Variants in SOX5 observed in about 807,000 individuals in gnomAD.
SOX5 encodes the protein SRY-box transcription factor 5, also known as transcription factor SOX-5.
Under a neutral mutation model 92.0 loss-of-function variants are expected in SOX5, and 9 were observed. That is an observed-to-expected ratio of 0.10 (90% CI 0.06 to 0.17). The LOEUF (loss-of-function observed/expected upper bound fraction) is 0.17, where lower values mean the gene tolerates loss of function less well. Ranked by LOEUF, SOX5 falls within the 10% of genes least tolerant of loss-of-function variation. The pLI is 1.00. For missense variants in SOX5, 642 were observed against 944.5 expected, an observed-to-expected ratio of 0.68 and a Z score of 4.20; for synonymous variants, 344 against 336.3, an observed-to-expected ratio of 1.02 and a Z score of -0.25.
intron 4 of SOX5, among the ~76,000 whole-genome samples, chr12:24,006,946 C>A (rs974482452): frequency 1.3e-5 from 2 of 149,900 alleles, no homozygotes; most frequent in Non-Finnish European, 1.5e-5. Flanking sequence ...CCAGCCTGGC[C>A]AACATGGTGA....
At chr12:24,525,744 C>T (rs1207633548) in intron 1 of SOX5, among the ~76,000 whole-genome samples, 1 of 151,890 alleles carries the variant, frequency 6.6e-6, no homozygotes, top group Non-Finnish European at 1.5e-5. Flanking sequence ...TGGTGGCGGG[C>T]GCCTGTAGTC....
chr12:23,765,559 C>A (rs1197896240), intron 3 of SOX5, among the ~76,000 whole-genome samples: 5 of 151,894 alleles, frequency 3.3e-5, no homozygotes, highest in Admixed American at 6.6e-5. Flanking sequence ...ACTTTTCCTG[C>A]ATCACCAGAG....
At chr12:24,055,386 C>T (rs992831987) in intron 4 of SOX5, among the ~76,000 whole-genome samples, 5 of 152,180 alleles carry the variant, frequency 3.3e-5, no homozygotes, top group Non-Finnish European at 7.3e-5. Flanking sequence ...GGTCAACAGT[C>T]TATAGGACAT....
At chr12:23,764,254 C>A (rs1376621835) in intron 3 of SOX5, among the ~76,000 whole-genome samples, 1 of 152,098 alleles carries the variant, frequency 6.6e-6, no homozygotes, top group Non-Finnish European at 1.5e-5. Flanking sequence ...AAATAACCAA[C>A]TTTCTTACAG....
Position 24,314,751 on chromosome 12 carries a change from C to T in SOX5, c.-173-37439G>A, listed in dbSNP as rs544604095. Among the ~76,000 whole-genome samples, 134 of 152,304 alleles carry T rather than the reference C, an allele frequency of 8.8e-4. No individual in the cohort carries two copies. The Middle Eastern group carries it at 0.014, about 15-fold the overall frequency. ...TGCTCCAGGCACATGGACCTCCTTG[C>T]ACTTCCTTGAACTGCGATTTGCATT... is the stretch of plus-strand genomic sequence containing the variant. On this transcript the variant is annotated intron_variant, in intron 2 of 4. Transcript: ENST00000446891.
At chr12:24,462,011 C>T (rs1943690398) in intron 1 of SOX5, among the ~76,000 whole-genome samples, 1 of 152,142 alleles carries the variant, frequency 6.6e-6, no homozygotes, top group Non-Finnish European at 1.5e-5. Flanking sequence ...ATTCTTACCG[C>T]ACAGGATTAT....
intron 2 of SOX5, among the ~76,000 whole-genome samples, chr12:23,863,548 A>G (rs571893366): frequency 6.6e-6 from 1 of 152,060 alleles, no homozygotes; most frequent in Non-Finnish European, 1.5e-5. Flanking sequence ...AAAATACTTA[A>G]TTGTTTTAAT....
intron 1 of SOX5, among the ~76,000 whole-genome samples, chr12:24,459,905 T>C (rs1456480761): frequency 2.0e-5 from 3 of 152,362 alleles, no homozygotes; most frequent in Admixed American, 6.5e-5. Flanking sequence ...TTTTATATCA[T>C]ACCTTACAAT....
intron 4 of SOX5, among the ~76,000 whole-genome samples, chr12:24,006,894 G>C (rs1569472397): frequency 6.6e-6 from 1 of 151,806 alleles, no homozygotes; most frequent in African/African-American, 2.4e-5. Context: ...AGCACTTTGG[G>C]AGGCCAAGGC....
chr12:23,849,596 G>A (rs2096609276), intron 2 of SOX5, among the ~76,000 whole-genome samples: 1 of 152,078 alleles, frequency 6.6e-6, no homozygotes, highest in South Asian at 2.1e-4. Flanking sequence ...ATCTACCAAT[G>A]TTAAGGGTGA....
At chr12:23,982,825 A>G (rs1592056403) in intron 4 of SOX5, among the ~76,000 whole-genome samples, 1 of 152,080 alleles carries the variant, frequency 6.6e-6, no homozygotes, top group African/African-American at 2.4e-5. Context: ...TTAAATTTAT[A>G]TTTTCTTACT....
chr12:24,411,387 G>A (rs993225306), intron 1 of SOX5, among the ~76,000 whole-genome samples: 8 of 152,086 alleles, frequency 5.3e-5, no homozygotes, highest in Admixed American at 5.2e-4. Flanking sequence ...CCTTGACCTT[G>A]TTCCTGATCT....
intron 3 of SOX5, among the ~76,000 whole-genome samples, chr12:23,806,799 C>T (rs1594641521): frequency 6.6e-6 from 1 of 150,966 alleles, no homozygotes; most frequent in East Asian, 2.0e-4. Flanking sequence ...ACCCTCTAAA[C>T]TTTTCCAGTC....
Position 23,797,493 on chromosome 12 carries a change from C to T in SOX5, c.482-41769G>A, listed in dbSNP as rs147247102. On this transcript the variant is annotated intron_variant, in intron 3 of 14. Coordinates refer to ENST00000451604, the MANE Select transcript of SOX5 (RefSeq NM_006940.6). Reference sequence around the variant, plus strand: ...GACAGACTTCAAAGTGATAACTCTTCGGCATTTGCACCCCTCTCGCCCTTC... The same window carrying T: ...GACAGACTTCAAAGTGATAACTCTTTGGCATTTGCACCCCTCTCGCCCTTC... Among the ~76,000 whole-genome samples, 782 of 151,966 alleles carry T rather than the reference C, an allele frequency of 5.1e-3. 1 individual carries two copies. The highest frequency in any genetic ancestry group is 0.01 in the Middle Eastern group (3 of 294).
intron 4 of SOX5, among the ~76,000 whole-genome samples, chr12:24,190,695 A>C (rs562338898): frequency 6.6e-6 from 1 of 152,358 alleles, no homozygotes; most frequent in South Asian, 2.1e-4. Context: ...CCAAGATGCC[A>C]TTAATTTGAG....
intron 4 of SOX5, among the ~76,000 whole-genome samples, chr12:24,206,127 T>A (rs1349877884): frequency 1.3e-5 from 2 of 152,218 alleles, no homozygotes; most frequent in Admixed American, 6.5e-5. Context: ...CTGCTTTAAC[T>A]CTTAGAAATG....
At chr12:23,677,982 T>C (rs2085982409) in intron 6 of SOX5, among the ~76,000 whole-genome samples, 1 of 152,146 alleles carries the variant, frequency 6.6e-6, no homozygotes, top group Admixed American at 6.6e-5. Context: ...TGTCTCACAG[T>C]ATCTGATGGA....
intron 2 of SOX5, among the ~76,000 whole-genome samples, chr12:24,365,771 A>G (rs111878365): frequency 0.011 from 1,687 of 151,758 alleles, 34 homozygotes; most frequent in African/African-American, 0.038. Flanking sequence ...CAACATTAGG[A>G]AACTTCTTTT....
chr12:24,131,267 C>T (rs1167819997), intron 4 of SOX5, among the ~76,000 whole-genome samples: 1 of 152,156 alleles, frequency 6.6e-6, no homozygotes, highest in Non-Finnish European at 1.5e-5. Flanking sequence ...TACTAATTCT[C>T]CTCTGAGTTA....
Sources: gnomAD v4.1 joint callset for allele counts (sites outside exome capture counted in the v4.1 genomes callset) on GRCh38, gnomAD v4.1.1 for gene constraint, MANE v1.5 for transcripts, NCBI Gene and HGNC (gene_info 2026-07-23, HGNC 2026-07-21) for gene names.